Variants in SNTG1 observed in about 807,000 individuals in gnomAD.
SNTG1 encodes syntrophin gamma 1, also known as gamma-1-syntrophin.
A neutral mutation model predicts 74.7 loss-of-function variants in SNTG1; 39 were observed. That is an observed-to-expected ratio of 0.52 (90% confidence interval 0.40 to 0.68). The LOEUF (loss-of-function observed/expected upper bound fraction) is 0.68, where lower values mean the gene tolerates loss of function less well. Ranked by LOEUF, SNTG1 falls within the 30% of genes least tolerant of loss-of-function variation. SNTG1 has a pLI of 0.00. For synonymous variants in SNTG1, 254 were observed against 217.1 expected, an observed-to-expected ratio of 1.17 and a Z score of -1.49; for missense variants, 685 against 609.5, an observed-to-expected ratio of 1.12 and a Z score of -1.30.
intron 11 of SNTG1, among the ~76,000 whole-genome samples, chr8:50,542,978 G>T (rs1287474051): frequency 1.3e-5 from 2 of 152,070 alleles, no homozygotes; most frequent in Non-Finnish European, 2.9e-5. Context: ...TGTATATTCT[G>T]TTCAGTAATT....
At chr8:50,516,005 T>A (rs1291524021) in intron 9 of SNTG1, among the ~76,000 whole-genome samples, 1 of 152,160 alleles carries the variant, frequency 6.6e-6, no homozygotes, top group African/African-American at 2.4e-5. Flanking sequence ...GACTGGGAGA[T>A]GCCTCCCAGC....
At chr8:50,634,514 A>G (rs1035655041) in intron 13 of SNTG1, among the ~76,000 whole-genome samples, 7 of 152,246 alleles carry the variant, frequency 4.6e-5, no homozygotes, top group Non-Finnish European at 8.8e-5. Flanking sequence ...TTGTACATTT[A>G]CATGCAGTTC....
chr8:50,386,642 G>T (rs1478203256), intron 2 of SNTG1, among the ~76,000 whole-genome samples: 1 of 152,144 alleles, frequency 6.6e-6, no homozygotes, highest in Non-Finnish European at 1.5e-5. Flanking sequence ...TACATATGCT[G>T]AGGTCCCAGG....
intron 2 of SNTG1, among the ~76,000 whole-genome samples, chr8:50,206,084 G>GT (rs1331502037): frequency 1.3e-4 from 20 of 152,296 alleles, no homozygotes; most frequent in East Asian, 3.9e-4. Flanking sequence ...CTTTAAAGTA[G>GT]TTTTTTCCGA....
intron 1 of SNTG1, among the ~76,000 whole-genome samples, chr8:49,918,673 G>A (rs1806259790): frequency 6.6e-6 from 1 of 152,050 alleles, no homozygotes; most frequent in South Asian, 2.1e-4. Flanking sequence ...CAAACACAGG[G>A]ATGGATAAGA....
intron 1 of SNTG1, among the ~76,000 whole-genome samples, chr8:50,032,924 T>C (rs1378039201): frequency 6.6e-6 from 1 of 152,152 alleles, no homozygotes; most frequent in Admixed American, 6.6e-5. Flanking sequence ...CCAATAATCA[T>C]GCATCAGATT....
chr8:50,662,783 C>G (rs1411537791), intron 15 of SNTG1, among the ~76,000 whole-genome samples: 1 of 151,278 alleles, frequency 6.6e-6, no homozygotes, highest in Non-Finnish European at 1.5e-5. Context: ...GTATTGGGCA[C>G]TATGAACTTC....
At chr8:50,219,171 G>A (rs752338483) in intron 2 of SNTG1, among the ~76,000 whole-genome samples, 3 of 152,160 alleles carry the variant, frequency 2.0e-5, no homozygotes, top group Non-Finnish European at 4.4e-5. Flanking sequence ...CCAATGACAG[G>A]CTGGTTACAA....
intron 15 of SNTG1, among the ~76,000 whole-genome samples, chr8:50,680,483 T>G (rs2095326654): frequency 6.6e-6 from 1 of 152,152 alleles, no homozygotes; most frequent in Non-Finnish European, 1.5e-5. Flanking sequence ...TCAATTTTTC[T>G]CATTGGACTT....
intron 8 of SNTG1, among the ~76,000 whole-genome samples, chr8:50,487,443 G>A (rs1193159903): frequency 2.0e-5 from 3 of 152,102 alleles, no homozygotes; most frequent in Non-Finnish European, 4.4e-5. Flanking sequence ...CAACCCAAAT[G>A]TCCAACAATG....
intron 11 of SNTG1, among the ~76,000 whole-genome samples, chr8:50,538,446 C>G (rs1373103438): frequency 6.6e-6 from 1 of 152,018 alleles, no homozygotes; most frequent in Non-Finnish European, 1.5e-5. Flanking sequence ...ATCTAATTCC[C>G]TTAGTTTTCA....
rs117465358 is a variant in SNTG1, at chr8:50,046,408, C to T, written c.-102-126153C>T. Among the ~76,000 whole-genome samples the T allele has an allele frequency of 1.0e-3, 152 of 152,222 alleles. 2 individuals carry two copies. The East Asian group carries it at 0.022, about 22-fold the overall frequency. On this transcript the variant is annotated intron_variant, in intron 1 of 18. Transcript: ENST00000642720. ...ACTTGGTATTCTTTCTGAAAATTAC[C>T]TCATGGTTGCAAGCTCATAATTTGT...
chr8:49,998,428 C>G (rs186219603), intron 1 of SNTG1, among the ~76,000 whole-genome samples: 1 of 152,188 alleles, frequency 6.6e-6, no homozygotes, highest in African/African-American at 2.4e-5. Flanking sequence ...ACTTTATAAA[C>G]TTAATTTTTT....
intron 1 of SNTG1, among the ~76,000 whole-genome samples, chr8:50,068,459 CTTTG>C (rs1288620745): frequency 3.3e-5 from 5 of 152,120 alleles, no homozygotes; most frequent in Admixed American, 6.5e-5. Context: ...TTGCTGTCGT[CTTTG>C]TTTGAGTACT....
intron 1 of SNTG1, among the ~76,000 whole-genome samples, chr8:49,995,638 G>T (rs142002705): frequency 1.3e-5 from 2 of 152,314 alleles, no homozygotes; most frequent in East Asian, 3.9e-4. Flanking sequence ...CAGTGTAAAA[G>T]AATACTGCAG....
chr8:50,392,003 G>C (rs1406083945), intron 2 of SNTG1, among the ~76,000 whole-genome samples: 1 of 152,082 alleles, frequency 6.6e-6, no homozygotes, highest in Non-Finnish European at 1.5e-5. Context: ...GCCAAAAGAA[G>C]CCCAAGGGAA....
intron 2 of SNTG1, among the ~76,000 whole-genome samples, chr8:50,278,305 G>A (rs1314040309): frequency 6.6e-6 from 1 of 152,184 alleles, no homozygotes; most frequent in Non-Finnish European, 1.5e-5. Flanking sequence ...AAGACAAAGA[G>A]TTGCTTAGTT....
At chr8:50,246,075 G>T (rs2086385596) in intron 2 of SNTG1, among the ~76,000 whole-genome samples, 1 of 150,916 alleles carries the variant, frequency 6.6e-6, no homozygotes. Context: ...TTATTAAAAT[G>T]TATTAAAATC....
intron 1 of SNTG1, among the ~76,000 whole-genome samples, chr8:50,074,081 T>A (rs1308179095): frequency 6.6e-6 from 1 of 151,942 alleles, no homozygotes; most frequent in East Asian, 1.9e-4. Flanking sequence ...GTTATGAAAG[T>A]CCTAGATGAC....
Sources: gnomAD v4.1 joint callset for allele counts (sites outside exome capture counted in the v4.1 genomes callset) on GRCh38, gnomAD v4.1.1 for gene constraint, MANE v1.5 for transcripts, NCBI Gene and HGNC (gene_info 2026-07-23, HGNC 2026-07-21) for gene names.